The following BECN1 variants were observed in gnomAD, a reference collection of about 807,000 sequenced individuals.
BECN1 encodes the protein beclin 1.
A neutral mutation model predicts 60.1 loss-of-function variants in BECN1; 15 were observed. The observed-to-expected ratio is 0.25, with a 90% confidence interval of 0.17 to 0.38. The LOEUF (loss-of-function observed/expected upper bound fraction) is 0.38. Among genes scored for constraint, BECN1 ranks in the 10% least tolerant of loss-of-function variants. The pLI is 1.00. For synonymous variants in BECN1, 179 were observed against 201.8 expected (o/e 0.89, Z 0.96); for missense variants, 424 against 548.2 (o/e 0.77, Z 2.26).
chr17:42,823,402 G>A (rs1419676911), intron 2 of BECN1, among the ~76,000 whole-genome samples: 1 of 152,026 alleles, frequency 6.6e-6, no homozygotes. Flanking sequence ...CTACAGGCAC[G>A]TGCCATCACG....
In BECN1 at chr17:42,820,731, G is replaced by A. The variant is rs367650134; in HGVS notation, c.198+43C>T. 8.6e-6 allele frequency: 13 copies of A among 1,510,780 alleles called. No homozygotes were observed. The African/African-American group carries it at 1.5e-4, about 18-fold the overall frequency. 93.6% of individuals were successfully genotyped at this position (1,510,780 alleles called of 1,614,324 possible). On this transcript the variant is annotated intron_variant, in intron 3 of 11. Coordinates refer to ENST00000590099, the MANE Select transcript of BECN1 (RefSeq NM_001313998.2). Reference sequence around the variant, plus strand: ...TCATATCATATCTCTCATTTGGAATGTTTACTACATGAGGAGGATAGGGGA... The same window carrying A: ...TCATATCATATCTCTCATTTGGAATATTTACTACATGAGGAGGATAGGGGA...
chr17:42,816,008 C>A lies in BECN1; in HGVS notation c.730G>T (p.Asp244Tyr). Reference sequence around the variant, plus strand: ...TTTTCAACACTCTTCAGCTCATCATCCAGCTCCAGCTGCTGTCGTTTAAAT... The same window carrying A: ...TTTTCAACACTCTTCAGCTCATCATACAGCTCCAGCTGCTGTCGTTTAAAT... ...SEFKRQQLEL[D>Y]DELKSVENQM... Residue 244 changes from aspartate (D) to tyrosine (Y), a missense_variant, in exon 8 of 12, where the codon GAT (aspartate) becomes TAT (tyrosine). Transcript: ENST00000590099. 1 of 1,611,730 alleles carries A rather than the reference C, an allele frequency of 6.2e-7. No homozygotes were observed. Among genetic ancestry groups the A allele is most frequent in the Non-Finnish European group, 8.5e-7 (1 of 1,178,868 alleles).
intron 3 of BECN1, 93 bp downstream of exon 3, chr17:42,820,681 A>G (rs1199115644): frequency 7.5e-7 from 1 of 1,340,866 alleles, no homozygotes; most frequent in Non-Finnish European, 1.0e-6. Flanking sequence ...AGTAGCCTGC[A>G]GAAACCAAGC....
chr17:42,811,977 A>G (rs2055020418), intron 10 of BECN1, 180 bp from the exon 11 acceptor site: 1 of 683,840 alleles, frequency 1.5e-6, no homozygotes, highest in Admixed American at 3.2e-5. Flanking sequence ...GCAAGTAACA[A>G]TGCACTTAGA....
intron 2 of BECN1, 87 bp from the exon 3 acceptor site, chr17:42,820,928 C>G: frequency 8.3e-7 from 1 of 1,202,326 alleles, no homozygotes; most frequent in Non-Finnish European, 1.2e-6. Flanking sequence ...GTGAAATATT[C>G]TCATCACCAC....
chr17:42,818,585 G>A lies in BECN1; in HGVS notation c.447C>T (p.Asp149=), dbSNP rs1320597306. The stretch of plus-strand genomic sequence containing the variant: ...CATTTTCAGTGACGTTGAGCTGAGT[G>A]TCCAGCTGGTCTAAAAGAGTATCTG... The part of the protein sequence containing the change: ...ECTDTLLDQL[D]TQLNVTENEC... Residue 149 remains aspartate (D), a synonymous_variant, in exon 6 of 12, where the codon GAC becomes GAT. Coordinates refer to ENST00000590099, the MANE Select transcript of BECN1 (RefSeq NM_001313998.2). 2 of 1,614,178 alleles carry A rather than the reference G, an allele frequency of 1.2e-6. No individual in the cohort carries two copies. Among genetic ancestry groups the A allele is most frequent in the Non-Finnish European group, 1.7e-6 (2 of 1,180,038 alleles).
At chr17:42,820,149 A>ATGACCTCCACTAAACCTGACATCAGCAC (rs2055232296) in intron 3 of BECN1, among the ~76,000 whole-genome samples, 1 of 152,192 alleles carries the variant, frequency 6.6e-6, no homozygotes, top group Non-Finnish European at 1.5e-5. Flanking sequence ...GCCAGAATTA[A>ATGACCTCCACTAAACCTGACATCAGCAC]TGACCTCCAC....
intron 2 of BECN1, among the ~76,000 whole-genome samples, chr17:42,822,918 C>T (rs149975673): frequency 0.022 from 3,350 of 151,678 alleles, 119 homozygotes; most frequent in African/African-American, 0.076. Context: ...TGGGCTCAAG[C>T]GATCCTCCCA....
At position 42,811,681 on chromosome 17, in the gene BECN1, G is replaced by A. The variant is rs755591315; in HGVS notation, c.1158C>T (p.Gly386=). 4 of 1,613,848 alleles carry A rather than the reference G, an allele frequency of 2.5e-6. No individual in the cohort carries two copies. The highest frequency in any genetic ancestry group is 2.7e-5 in the African/African-American group (2 of 74,868). Residue 386 remains glycine, a synonymous_variant, in exon 11 of 12, where the codon GGC becomes GGT. Coordinates refer to ENST00000590099, the MANE Select transcript of BECN1 (RefSeq NM_001313998.2). The part of the protein sequence containing the change: ...VQQFKEEVEK[G]ETRFCLPYRM... ...TGTAGGGAAGACAAAAACGTGTCTC[G>A]CCTTTCTCAACCTCTTCTTTGAACT...
chr17:42,813,859 A>T (rs973350564), intron 10 of BECN1, 89 bp downstream of exon 10: 1 of 967,938 alleles, frequency 1.0e-6, no homozygotes, highest in Admixed American at 2.5e-5. Flanking sequence ...TAAAAAATAA[A>T]TTGAATGCCA....
chr17:42,818,116 A>C, intron 7 of BECN1, 105 bp downstream of exon 7: 1 of 1,245,084 alleles, frequency 8.0e-7, no homozygotes, highest in Non-Finnish European at 1.1e-6. Context: ...CATGCTGCTG[A>C]CTGACAGCTG....
intron 2 of BECN1, among the ~76,000 whole-genome samples, chr17:42,823,170 CA>C (rs2055305653): frequency 6.6e-6 from 1 of 152,146 alleles, no homozygotes; most frequent in Non-Finnish European, 1.5e-5. Flanking sequence ...AGTAAGTCCT[CA>C]AAAAATACCA....
chr17:42,816,068 A>C lies in BECN1; in HGVS notation c.684-14T>G. 1 of 1,565,842 alleles carries C rather than the reference A, an allele frequency of 6.4e-7. No individual in the cohort carries two copies. The highest frequency in any genetic ancestry group is 8.6e-7 in the Non-Finnish European group (1 of 1,157,630). On this transcript the variant is annotated splice_polypyrimidine_tract_variant and intron_variant, in intron 7 of 11. Transcript: ENST00000590099. Reference sequence around the variant, plus strand: ...TCTCTCTGATACCTGTGAGCAGCCAAGGGGGCCATTGAAGGCTGTTAGCTT... The same window carrying C: ...TCTCTCTGATACCTGTGAGCAGCCACGGGGGCCATTGAAGGCTGTTAGCTT...
chr17:42,813,994 G>T lies in BECN1; in HGVS notation c.995C>A (p.Pro332His). 1 of 1,603,348 alleles carries T rather than the reference G, an allele frequency of 6.2e-7. No individual in the cohort carries two copies. The highest frequency in any genetic ancestry group is 1.3e-5 in the African/African-American group (1 of 74,620). Residue 332 changes from proline (P) to histidine (H), a missense_variant, in exon 10 of 12, where the codon CCT becomes CAT. Coordinates refer to ENST00000590099, the MANE Select transcript of BECN1 (RefSeq NM_001313998.2). ...CTCCAGATATGAATGGTTTCCGTAAGGAACAAGTCGGTATCTAAAATAGAG... is the reference window on the plus strand; with the variant it reads ...CTCCAGATATGAATGGTTTCCGTAATGAACAAGTCGGTATCTAAAATAGAG... ...GLKFQRYRLV[P>H]YGNHSYLESL... is the part of the protein sequence containing the mutation.
intron 11 of BECN1, 114 bp from the exon 12 acceptor site, chr17:42,811,042 G>T: frequency 9.0e-7 from 1 of 1,106,008 alleles, no homozygotes. Flanking sequence ...AAGAACACTT[G>T]GTGAGGAATG....
At chr17:42,815,381 A>G (rs1198289878) in intron 8 of BECN1, among the ~76,000 whole-genome samples, 1 of 152,066 alleles carries the variant, frequency 6.6e-6, no homozygotes, top group Admixed American at 6.6e-5. Context: ...TTTAAACGTA[A>G]GTCCCCTATG....
At chr17:42,814,224 A>G in intron 9 of BECN1, 1 of 561,630 alleles carries the variant, frequency 1.8e-6, no homozygotes, top group Non-Finnish European at 3.1e-6. Context: ...CCTTCCATGA[A>G]CAAATGTTAT....
At position 42,814,358 on chromosome 17, in the gene BECN1, G is replaced by C. The variant is rs2290039; in HGVS notation, c.980+166C>G. On this transcript the variant is annotated intron_variant, in intron 9 of 11. Coordinates refer to ENST00000590099, the MANE Select transcript of BECN1 (RefSeq NM_001313998.2). ...TCAGTGACTGTGTGATCAGTGGAGA[G>C]AGCCCTGTGATGAGGGGAAAATCAG... The C allele has an allele frequency of 5.5e-4, 469 of 854,590 alleles. 8 individuals carry two copies. In the East Asian group the frequency reaches 0.012, roughly 22 times the overall value. 52.9% of individuals were successfully genotyped at this position (854,590 alleles called of 1,614,324 possible).
chr17:42,814,491 C>A (rs375185278), intron 9 of BECN1, 33 bp downstream of exon 9: 1 of 1,613,360 alleles, frequency 6.2e-7, no homozygotes, highest in South Asian at 1.1e-5. Flanking sequence ...TATCAATGCA[C>A]ATCACTCCCC....
Sources: allele counts gnomAD v4.1 joint callset (sites outside exome capture counted in the v4.1 genomes callset), GRCh38; gene constraint gnomAD v4.1.1; transcripts MANE v1.5; gene names NCBI Gene and HGNC (gene_info 2026-07-23, HGNC 2026-07-21).